The following DLG2 variants were observed in gnomAD, a reference collection of about 807,000 sequenced individuals.
DLG2 encodes discs large MAGUK scaffold protein 2.
A neutral mutation model predicts 132.5 loss-of-function variants in DLG2; 45 were observed. That is an observed-to-expected ratio of 0.34 (90% confidence interval 0.27 to 0.44). The LOEUF is 0.44. Ranked by LOEUF, DLG2 falls within the 20% of genes least tolerant of loss-of-function variation. The pLI, the probability that DLG2 is intolerant of heterozygous loss-of-function variation, is 1.00. For synonymous variants in DLG2, 424 were observed against 419.6 expected, an observed-to-expected ratio of 1.01 and a Z score of -0.13; for missense variants, 1,045 against 1,196.9, an observed-to-expected ratio of 0.87 and a Z score of 1.87.
intron 6 of DLG2, among the ~76,000 whole-genome samples, chr11:84,696,294 G>A (rs1175491507): frequency 3.3e-5 from 5 of 151,384 alleles, no homozygotes; most frequent in South Asian, 2.1e-4. Flanking sequence ...TATGTATGTC[G>A]TCTAATTTAA....
At chr11:84,675,923 T>A (rs1010533663) in intron 6 of DLG2, among the ~76,000 whole-genome samples, 2 of 152,068 alleles carry the variant, frequency 1.3e-5, no homozygotes, top group African/African-American at 4.8e-5. Flanking sequence ...GTTTCCTGGA[T>A]ATGTGTGCCT....
intron 7 of DLG2, among the ~76,000 whole-genome samples, chr11:84,491,351 C>T (rs2099164672): frequency 6.6e-6 from 1 of 152,082 alleles, no homozygotes; most frequent in Non-Finnish European, 1.5e-5. Flanking sequence ...TTGCCTGCCG[C>T]CATCCACGTA....
chr11:84,613,605 C>T (rs1270521561), intron 6 of DLG2, among the ~76,000 whole-genome samples: 1 of 152,206 alleles, frequency 6.6e-6, no homozygotes, highest in Non-Finnish European at 1.5e-5. Context: ...TAATTATCAA[C>T]TACTCTTGTT....
chr11:84,702,430 C>T (rs2059313099), intron 6 of DLG2, among the ~76,000 whole-genome samples: 1 of 151,696 alleles, frequency 6.6e-6, no homozygotes, highest in South Asian at 2.1e-4. Context: ...AAATTCTTCA[C>T]TTACTTCTAA....
At position 84,502,241 on chromosome 11, in the gene DLG2, T is replaced by C. The variant is rs1223007533; in HGVS notation, c.519+32329A>G. ...TTCCTTCCTTCCTTCCTTCCTTCCT[T>C]CCTTCCTTCCTTCCTTCCTTCCTTC... On this transcript the variant is annotated intron_variant, in intron 7 of 27. Coordinates refer to ENST00000376104, the MANE Select transcript of DLG2 (RefSeq NM_001142699.3). 4.9e-5 allele frequency among the ~76,000 whole-genome samples: 2 copies of C among 40,716 alleles called. 1 individual carries two copies. Among genetic ancestry groups the C allele is most frequent in the Admixed American group, 3.6e-4 (2 of 5,498 alleles). 26.7% of individuals were successfully genotyped at this position (40,716 alleles called of 152,430 possible).
intron 6 of DLG2, among the ~76,000 whole-genome samples, chr11:84,695,214 C>T (rs1008086384): frequency 1.3e-5 from 2 of 151,490 alleles, no homozygotes; most frequent in African/African-American, 4.8e-5. Flanking sequence ...TTATCAGGCT[C>T]ATATTACAGC....
chr11:84,280,713 T>C (rs889377021), intron 7 of DLG2, among the ~76,000 whole-genome samples: 1 of 152,046 alleles, frequency 6.6e-6, no homozygotes, highest in African/African-American at 2.4e-5. Flanking sequence ...TTTTGTTTTT[T>C]TTGAGACGGA....
At chr11:84,523,363 T>C (rs1252886603) in intron 7 of DLG2, among the ~76,000 whole-genome samples, 2 of 152,192 alleles carry the variant, frequency 1.3e-5, no homozygotes, top group Admixed American at 6.5e-5. Flanking sequence ...AGAAAGCAAC[T>C]AAGCTACATT....
intron 7 of DLG2, among the ~76,000 whole-genome samples, chr11:84,522,159 C>T (rs1005577900): frequency 6.7e-6 from 1 of 150,338 alleles, no homozygotes; most frequent in African/African-American, 2.5e-5. Flanking sequence ...CAGAGCGAGA[C>T]TCTGTCTCAA....
intron 4 of DLG2, among the ~76,000 whole-genome samples, chr11:85,253,039 A>G (rs974448667): frequency 4.6e-5 from 7 of 152,190 alleles, no homozygotes; most frequent in African/African-American, 1.2e-4. Context: ...CTTATATTAC[A>G]TATTTATTAT....
At chr11:85,320,954 T>C (rs1215360588) in intron 3 of DLG2, among the ~76,000 whole-genome samples, 1 of 151,630 alleles carries the variant, frequency 6.6e-6, no homozygotes. Flanking sequence ...AATAGAGAAA[T>C]TTTATGATCT....
intron 11 of DLG2, among the ~76,000 whole-genome samples, chr11:84,021,158 A>G (rs1449071439): frequency 6.6e-6 from 1 of 152,176 alleles, no homozygotes; most frequent in Admixed American, 6.5e-5. Context: ...TAGCCCCTTT[A>G]TATACTATTA....
chr11:84,137,498 T>C lies in DLG2; in HGVS notation c.624+25963A>G, dbSNP rs751735763. On this transcript the variant is annotated intron_variant, in intron 9 of 27. Coordinates refer to ENST00000376104, the MANE Select transcript of DLG2 (RefSeq NM_001142699.3). The stretch of plus-strand genomic sequence containing the variant: ...TCAAATGCTGTCTGCACATCTTGTG[T>C]TCGTTATTACAGGAGATATTTCATA... 1.9e-4 allele frequency among the ~76,000 whole-genome samples: 29 copies of C among 152,192 alleles called. No homozygotes were observed. In the Middle Eastern group the frequency reaches 0.01, roughly 54 times the overall value.
intron 9 of DLG2, among the ~76,000 whole-genome samples, chr11:84,110,157 T>C (rs1395202601): frequency 6.6e-6 from 1 of 152,142 alleles, no homozygotes; most frequent in African/African-American, 2.4e-5. Flanking sequence ...GAGGGTGAAG[T>C]AATCCCAGGA....
intron 3 of DLG2, among the ~76,000 whole-genome samples, chr11:85,402,221 G>T (rs2088208608): frequency 6.6e-6 from 1 of 152,042 alleles, no homozygotes; most frequent in African/African-American, 2.4e-5. Flanking sequence ...TGACAAACCT[G>T]ACAAAAACAA....
chr11:84,911,498 T>A (rs1277902669), intron 6 of DLG2, among the ~76,000 whole-genome samples: 1 of 151,976 alleles, frequency 6.6e-6, no homozygotes, highest in African/African-American at 2.4e-5. Flanking sequence ...TTAAATCTAA[T>A]AAATATTAAT....
intron 7 of DLG2, among the ~76,000 whole-genome samples, chr11:84,471,224 T>C (rs2099107539): frequency 6.6e-6 from 1 of 151,676 alleles, no homozygotes; most frequent in African/African-American, 2.4e-5. Context: ...CTTTCTGTGG[T>C]GTCTCTGCTA....
chr11:85,033,542 T>G (rs2061204657), intron 6 of DLG2, among the ~76,000 whole-genome samples: 1 of 152,188 alleles, frequency 6.6e-6, no homozygotes, highest in Non-Finnish European at 1.5e-5. Context: ...GGCAATAGTA[T>G]TGCTTGTATT....
chr11:84,037,866 T>C (rs1191196287), intron 11 of DLG2, among the ~76,000 whole-genome samples: 1 of 152,142 alleles, frequency 6.6e-6, no homozygotes, highest in East Asian at 1.9e-4. Context: ...ATAGTATTTT[T>C]ATTTGTATGG....
Sources: allele counts gnomAD v4.1 joint callset (sites outside exome capture counted in the v4.1 genomes callset), GRCh38; gene constraint gnomAD v4.1.1; transcripts MANE v1.5; gene names NCBI Gene and HGNC (gene_info 2026-07-23, HGNC 2026-07-21).